The following TENM1 variants were observed in gnomAD, a reference collection of about 807,000 sequenced individuals.
The protein encoded by TENM1 is teneurin-1.
In TENM1, 35 loss-of-function variants were observed where a neutral mutation model predicts 174.8. The ratio of observed to expected loss-of-function variants is 0.20; its 90% CI spans 0.15 to 0.27. The LOEUF (loss-of-function observed/expected upper bound fraction) is 0.27, where lower values mean the gene tolerates loss of function less well. TENM1 is among the 10% of genes least tolerant of loss of function. TENM1 has a pLI of 1.00. For synonymous variants in TENM1, 781 were observed against 798.7 expected, an observed-to-expected ratio of 0.98 and a Z score of 0.37; for missense variants, 1,633 against 2,130.1, an observed-to-expected ratio of 0.77 and a Z score of 4.59.
the TENM1 span, among the ~76,000 whole-genome samples, chrX:125,178,899 G>A: frequency 9.1e-6 from 1 of 109,725 alleles, no homozygotes; most frequent in Non-Finnish European, 1.9e-5. Context: ...TCGAACCCAG[G>A]TGTTCAAGGC....
chrX:124,974,580 A>C, the TENM1 span, among the ~76,000 whole-genome samples: 1 of 110,273 alleles, frequency 9.1e-6, no homozygotes. Flanking sequence ...ATGATCTCAC[A>C]TCTCTTTTTG....
intron 3 of TENM1, among the ~76,000 whole-genome samples, chrX:124,748,777 C>A (rs767926621): frequency 8.9e-6 from 1 of 112,239 alleles, no homozygotes; most frequent in African/African-American, 3.2e-5. Flanking sequence ...ACAGCTCTGT[C>A]ATTTACTATC....
intron 15 of TENM1, among the ~76,000 whole-genome samples, chrX:124,530,492 G>A (rs993105635): frequency 7.2e-5 from 8 of 110,755 alleles, no homozygotes; most frequent in South Asian, 3.9e-4. Context: ...CCTACTGACC[G>A]CCTTTTTCCT....
intron 16 of TENM1, among the ~76,000 whole-genome samples, chrX:124,525,250 T>G (rs1361356969): frequency 1.8e-5 from 2 of 112,441 alleles, no homozygotes; most frequent in Non-Finnish European, 3.8e-5. Context: ...AAAAGAGGAT[T>G]TGAAGAACTG....
At chrX:125,147,158 A>ATG in the TENM1 span, among the ~76,000 whole-genome samples, 3 of 109,115 alleles carry the variant, frequency 2.7e-5, no homozygotes, top group Non-Finnish European at 5.7e-5. Context: ...TATCACATAT[A>ATG]TGTGTGTATA....
At chrX:124,984,983 C>T in the TENM1 span, among the ~76,000 whole-genome samples, 4 of 112,092 alleles carry the variant, frequency 3.6e-5, no homozygotes, top group Non-Finnish European at 7.5e-5. Flanking sequence ...TTCTTGTTCA[C>T]TGAGTCCTAT....
chrX:124,404,375 G>C (rs750841858), intron 27 of TENM1, among the ~76,000 whole-genome samples: 2 of 111,418 alleles, frequency 1.8e-5, no homozygotes, highest in African/African-American at 6.5e-5. Context: ...GGCTTTGTGT[G>C]CTGCAGAAAA....
chrX:125,061,353 C>T, the TENM1 span, among the ~76,000 whole-genome samples: 1 of 111,788 alleles, frequency 8.9e-6, no homozygotes, highest in Admixed American at 9.5e-5. Context: ...TGCACACATG[C>T]ATACCTCCTC....
chrX:124,653,574 T>C lies in TENM1; in HGVS notation c.1368+10A>G. 8.3e-7 allele frequency: 1 copy of C among 1,199,479 alleles called. No individual in the cohort carries two copies. ...AAAGGGTTTAAGAAAATACCTATAATATCAAATACCTGAGTATGTGTAGGT... is the reference window on the plus strand; with the variant it reads ...AAAGGGTTTAAGAAAATACCTATAACATCAAATACCTGAGTATGTGTAGGT... On this transcript the variant is annotated intron_variant, in intron 7 of 31. Coordinates refer to ENST00000422452, the Ensembl canonical transcript of TENM1.
chrX:124,611,757 TC>T (rs1736403371), intron 11 of TENM1, among the ~76,000 whole-genome samples: 1 of 111,986 alleles, frequency 8.9e-6, no homozygotes, highest in Non-Finnish European at 1.9e-5. Context: ...CAGAAAATCT[TC>T]AAGAATATTG....
chrX:124,638,742 T>A (rs773649957), intron 11 of TENM1, among the ~76,000 whole-genome samples: 2 of 111,547 alleles, frequency 1.8e-5, no homozygotes, highest in Admixed American at 1.9e-4. Context: ...GCAAGCGGGA[T>A]CTTCTGCAGA....
intron 4 of TENM1, among the ~76,000 whole-genome samples, chrX:124,712,495 T>A (rs1318709847): frequency 9.0e-6 from 1 of 111,476 alleles, no homozygotes; most frequent in Non-Finnish European, 1.9e-5. Context: ...TTTTTTGTTT[T>A]TTTGGAGACA....
At chrX:124,942,892 A>G (rs1203261525) in intron 1 of TENM1, among the ~76,000 whole-genome samples, 1 of 111,936 alleles carries the variant, frequency 8.9e-6, no homozygotes, top group Admixed American at 9.5e-5. Context: ...ATAAAGAAGA[A>G]TCTCAGAAAC....
rs62651880 is a variant in TENM1 at position 124,471,396 on chromosome X, A to T, written c.3949+10336T>A. 4.9e-4 allele frequency among the ~76,000 whole-genome samples: 14 copies of T among 28,551 alleles called. 1 individual carries two copies. The highest frequency in any genetic ancestry group is 6.8e-3 in the South Asian group (2 of 294). The allele number at this position is 28,551 out of a possible 115,157, so 24.8% of individuals were successfully genotyped here. On this transcript the variant is annotated intron_variant, in intron 22 of 31. Coordinates refer to ENST00000422452, the Ensembl canonical transcript of TENM1. ...TATTATAATATATAGTACTATATATAATATATATTATAATATATAGTAATA... is the reference window on the plus strand; with the variant it reads ...TATTATAATATATAGTACTATATATTATATATATTATAATATATAGTAATA...
chrX:125,072,907 T>C, the TENM1 span, among the ~76,000 whole-genome samples: 1 of 110,728 alleles, frequency 9.0e-6, no homozygotes, highest in Non-Finnish European at 1.9e-5. Flanking sequence ...TATAATTACA[T>C]TGAGAGATTA....
chrX:125,067,424 A>G, the TENM1 span, among the ~76,000 whole-genome samples: 28 of 104,897 alleles, frequency 2.7e-4, no homozygotes, highest in African/African-American at 8.7e-4. Context: ...ACCTCTAGGG[A>G]AAAAAAAAAA....
chrX:125,202,517 C>T, the TENM1 span, among the ~76,000 whole-genome samples: 2 of 111,888 alleles, frequency 1.8e-5, no homozygotes, highest in Non-Finnish European at 3.8e-5. Context: ...AAGTTCAGGA[C>T]GTTTACTGAC....
intron 4 of TENM1, among the ~76,000 whole-genome samples, chrX:124,728,112 C>T (rs1006949448): frequency 4.6e-5 from 5 of 109,370 alleles, no homozygotes; most frequent in Admixed American, 2.9e-4. Flanking sequence ...GATTGAGGCT[C>T]ATGCCACAGG....
At chrX:124,606,225 A>G (rs2050153157) in intron 11 of TENM1, among the ~76,000 whole-genome samples, 1 of 110,950 alleles carries the variant, frequency 9.0e-6, no homozygotes, top group Non-Finnish European at 1.9e-5. Flanking sequence ...TTTTCTTTTA[A>G]CAATATTCTA....
Sources: gnomAD v4.1 joint callset for allele counts (sites outside exome capture counted in the v4.1 genomes callset) on GRCh38, gnomAD v4.1.1 for gene constraint, MANE v1.5 for transcripts, NCBI Gene and HGNC (gene_info 2026-07-23, HGNC 2026-07-21) for gene names.